DACH2: variants seen among roughly 807,000 people sequenced by gnomAD.
DACH2 encodes the protein dachshund homolog 2.
In DACH2, 17 loss-of-function variants were observed where a neutral mutation model predicts 35.8. That is an observed-to-expected ratio of 0.48 (90% CI 0.33 to 0.71). The LOEUF (loss-of-function observed/expected upper bound fraction) is 0.71, where lower values mean the gene tolerates loss of function less well. DACH2 is among the 30% of genes least tolerant of loss of function. The probability of loss-of-function intolerance (pLI) is 0.02; values close to 1 mark genes in which losing one functional copy is unlikely to be tolerated. For synonymous variants in DACH2, 195 were observed against 177.3 expected, an observed-to-expected ratio of 1.10 and a Z score of -0.79; for missense variants, 469 against 472.7, an observed-to-expected ratio of 0.99 and a Z score of 0.07.
In DACH2 at chrX:86,278,685, G is replaced by A. The variant is rs919497703; in HGVS notation, c.489-98139G>A. On this transcript the variant is annotated intron_variant, in intron 1 of 11. Transcript: ENST00000373125. Reference sequence around the variant, plus strand: ...CCCCAGTGACACCTGGAATGTCAGCGAGACAGAACTGTTCATTCCCCTGGA... The same window carrying A: ...CCCCAGTGACACCTGGAATGTCAGCAAGACAGAACTGTTCATTCCCCTGGA... Among the ~76,000 whole-genome samples the A allele has an allele frequency of 9.8e-5, 11 of 111,742 alleles. No homozygotes were observed. In the East Asian group the frequency reaches 1.4e-3, roughly 14 times the overall value.
intron 2 of DACH2, among the ~76,000 whole-genome samples, chrX:86,455,495 C>A (rs957621806): frequency 3.6e-5 from 4 of 111,847 alleles, no homozygotes; most frequent in African/African-American, 1.3e-4. Context: ...GGTTGAAGCC[C>A]CCTCAGAGGG....
At chrX:86,579,495 G>A (rs1403047917) in intron 3 of DACH2, among the ~76,000 whole-genome samples, 1 of 110,317 alleles carries the variant, frequency 9.1e-6, no homozygotes, top group Non-Finnish European at 1.9e-5. Context: ...AATGCACTGT[G>A]GTACATCCAT....
intron 1 of DACH2, among the ~76,000 whole-genome samples, chrX:86,254,781 A>ATATATAT (rs1556004270): frequency 0.01 from 233 of 22,541 alleles, 14 homozygotes; most frequent in Admixed American, 0.03. Flanking sequence ...CAAATAAATA[A>ATATATAT]ATATATATAT....
intron 7 of DACH2, among the ~76,000 whole-genome samples, chrX:86,745,300 C>T (rs1284166627): frequency 9.0e-6 from 1 of 111,090 alleles, no homozygotes; most frequent in African/African-American, 3.3e-5. Flanking sequence ...GGTACAAGTG[C>T]AGGTTTGTTA....
intron 3 of DACH2, among the ~76,000 whole-genome samples, chrX:86,527,479 T>C (rs1183830108): frequency 2.7e-5 from 3 of 112,457 alleles, no homozygotes; most frequent in Non-Finnish European, 5.6e-5. Context: ...CTTCTTTCCT[T>C]TAGCATAATT....
At chrX:86,626,044 C>T (rs1329636915) in intron 3 of DACH2, among the ~76,000 whole-genome samples, 4 of 111,779 alleles carry the variant, frequency 3.6e-5, no homozygotes, top group Non-Finnish European at 7.5e-5. Context: ...CTTAAAAGTC[C>T]ACAGTCCAAA....
chrX:86,523,043 G>A (rs7064543), intron 3 of DACH2, among the ~76,000 whole-genome samples: 7,282 of 111,491 alleles, frequency 0.065, 610 homozygotes, highest in African/African-American at 0.22. Flanking sequence ...GAAATAAAGT[G>A]CTTCAGATGA....
At chrX:86,327,845 G>A (rs773916486) in intron 1 of DACH2, among the ~76,000 whole-genome samples, 1 of 111,564 alleles carries the variant, frequency 9.0e-6, no homozygotes, top group Admixed American at 9.6e-5. Flanking sequence ...ATTTTCTCTT[G>A]TTAATTATTT....
chrX:86,825,908 T>C (rs1260223826), intron 11 of DACH2, among the ~76,000 whole-genome samples: 1 of 112,193 alleles, frequency 8.9e-6, no homozygotes, highest in African/African-American at 3.2e-5. Flanking sequence ...ACCTTCTCTC[T>C]GCCTTAACTT....
At chrX:86,674,422 G>C (rs5922269) in intron 4 of DACH2, among the ~76,000 whole-genome samples, 2 of 111,382 alleles carry the variant, frequency 1.8e-5, no homozygotes, top group African/African-American at 3.3e-5. Context: ...AGCAAAGAAG[G>C]CTGTAAAGCC....
intron 2 of DACH2, among the ~76,000 whole-genome samples, chrX:86,458,412 TG>T (rs2037512696): frequency 9.0e-6 from 1 of 111,484 alleles, no homozygotes; most frequent in Non-Finnish European, 1.9e-5. Flanking sequence ...GCTGATAAAA[TG>T]TGATTAATGA....
At chrX:86,578,651 G>A in intron 3 of DACH2, among the ~76,000 whole-genome samples, 1 of 111,719 alleles carries the variant, frequency 9.0e-6, no homozygotes. Context: ...ACGTACTATA[G>A]TTAAGCCTTT....
At chrX:86,201,253 A>G (rs986843289) in intron 1 of DACH2, among the ~76,000 whole-genome samples, 1 of 100,066 alleles carries the variant, frequency 1.0e-5, no homozygotes, top group Non-Finnish European at 2.0e-5. Context: ...TTAGGAACAC[A>G]GAGAAGGAAA....
At chrX:86,502,762 C>G (rs1336319228) in intron 2 of DACH2, among the ~76,000 whole-genome samples, 1 of 112,313 alleles carries the variant, frequency 8.9e-6, no homozygotes, top group Non-Finnish European at 1.9e-5. Flanking sequence ...CAAATACATA[C>G]ACCGAGCTTG....
At chrX:86,335,874 T>C (rs2035298837) in intron 1 of DACH2, among the ~76,000 whole-genome samples, 1 of 111,902 alleles carries the variant, frequency 8.9e-6, no homozygotes, top group African/African-American at 3.3e-5. Context: ...AGTATGATAT[T>C]GGCTGTGGGT....
chrX:86,221,601 T>C (rs973012162), intron 1 of DACH2, among the ~76,000 whole-genome samples: 9 of 112,159 alleles, frequency 8.0e-5, no homozygotes, highest in African/African-American at 2.3e-4. Flanking sequence ...AAAAATGCCA[T>C]TTGGATTTTG....
intron 1 of DACH2, among the ~76,000 whole-genome samples, chrX:86,239,548 C>T (rs1255981379): frequency 1.8e-5 from 2 of 111,885 alleles, no homozygotes; most frequent in African/African-American, 6.5e-5. Flanking sequence ...CTTTTTATTG[C>T]TGCATAGTAT....
chrX:86,607,063 G>T (rs1569451465), intron 3 of DACH2, among the ~76,000 whole-genome samples: 1 of 111,261 alleles, frequency 9.0e-6, no homozygotes, highest in African/African-American at 3.3e-5. Flanking sequence ...TTTATTTTTA[G>T]TCTGTGTGTG....
chrX:86,382,079 C>T (rs922479842), intron 2 of DACH2, among the ~76,000 whole-genome samples: 7 of 110,609 alleles, frequency 6.3e-5, no homozygotes, highest in African/African-American at 1.6e-4. Flanking sequence ...TGGTGCTACA[C>T]GTAACTACTT....
Sources: allele counts gnomAD v4.1 joint callset (sites outside exome capture counted in the v4.1 genomes callset), GRCh38; gene constraint gnomAD v4.1.1; transcripts MANE v1.5; gene names NCBI Gene and HGNC (gene_info 2026-07-23, HGNC 2026-07-21).